LNX1: variants seen among roughly 807,000 people sequenced by gnomAD.
The protein encoded by LNX1 is ligand of numb-protein X 1.
A neutral mutation model predicts 68.4 loss-of-function variants in LNX1; 54 were observed. The observed-to-expected ratio is 0.79, with a 90% confidence interval of 0.63 to 0.99. The LOEUF is 0.99. Among genes scored for constraint, LNX1 ranks in the 50% least tolerant of loss-of-function variants. LNX1 has a pLI of 0.00. For missense variants in LNX1, 906 were observed against 926.4 expected (o/e 0.98, Z 0.29); for synonymous variants, 336 against 350.0 (o/e 0.96, Z 0.45).
chr4:53,568,596 G>GGGCACAAGACAGGGA (rs1730892329), intron 2 of LNX1, among the ~76,000 whole-genome samples: 1 of 150,014 alleles, frequency 6.7e-6, no homozygotes, highest in African/African-American at 2.5e-5. Flanking sequence ...CAAGACAGGG[G>GGGCACAAGACAGGGA]GGCACAAGAC....
intron 6 of LNX1, among the ~76,000 whole-genome samples, chr4:53,484,506 C>T (rs1045639635): frequency 1.3e-5 from 2 of 151,402 alleles, no homozygotes; most frequent in Admixed American, 6.6e-5. Context: ...GAGGTTGCAG[C>T]GAACCGAGAT....
chr4:53,460,826 A>AAG lies in LNX1; in HGVS notation c.*80_*81insCT. ...ACAATGTATTCTTTCTTTAAATATA[A>AAG]AAACTGACAAGATAAATATAGTGTT... On this transcript the variant is annotated 3_prime_UTR_variant, in exon 11 of 11. Transcript: ENST00000263925. 7.6e-7 allele frequency: 1 copy of AAG among 1,312,686 alleles called. No homozygotes were observed. 81.3% of individuals were successfully genotyped at this position (1,312,686 alleles called of 1,614,324 possible).
At chr4:53,466,340 G>A (rs532309166) in intron 9 of LNX1, among the ~76,000 whole-genome samples, 28 of 152,216 alleles carry the variant, frequency 1.8e-4, no homozygotes, top group Middle Eastern at 3.4e-3. Flanking sequence ...TTAAATGATC[G>A]TAAAAAATAT....
At chr4:53,522,037 C>T (rs1727264873) in intron 2 of LNX1, among the ~76,000 whole-genome samples, 1 of 152,104 alleles carries the variant, frequency 6.6e-6, no homozygotes, top group African/African-American at 2.4e-5. Flanking sequence ...ACAAGCAATC[C>T]TTCCATCTCG....
intron 1 of LNX1, among the ~76,000 whole-genome samples, chr4:53,623,882 G>A (rs1733976730): frequency 1.3e-5 from 2 of 152,154 alleles, no homozygotes; most frequent in Admixed American, 6.6e-5. Flanking sequence ...TTAAACCCAG[G>A]TCTGTCTGCA....
At chr4:53,608,790 T>C (rs1312013696) in intron 2 of LNX1, among the ~76,000 whole-genome samples, 1 of 152,062 alleles carries the variant, frequency 6.6e-6, no homozygotes, top group Non-Finnish European at 1.5e-5. Flanking sequence ...ATAAAAAGAA[T>C]GAGATCATGT....
intron 2 of LNX1, among the ~76,000 whole-genome samples, chr4:53,509,928 G>T (rs1726203124): frequency 6.6e-6 from 1 of 152,102 alleles, no homozygotes; most frequent in Non-Finnish European, 1.5e-5. Flanking sequence ...GAGTTTAATT[G>T]CCATTTGAAT....
At chr4:53,544,939 CTCGACCAGCACG>C (rs1307116898) in intron 2 of LNX1, among the ~76,000 whole-genome samples, 2 of 152,192 alleles carry the variant, frequency 1.3e-5, no homozygotes, top group Non-Finnish European at 2.9e-5. Flanking sequence ...TCATAATGCA[CTCGACCAGCACG>C]TCCCCAGTGA....
At chr4:53,595,610 C>T (rs1224729825), upstream of LNX1, among the ~76,000 whole-genome samples, 3 of 152,150 alleles carry the variant, frequency 2.0e-5, no homozygotes, top group Non-Finnish European at 4.4e-5. Context: ...AGGTGGAAAA[C>T]ATTAGAAAGC....
Position 53,461,022 on chromosome 4 carries a change from G to A in LNX1, c.2072C>T (p.Ala691Val). The stretch of plus-strand genomic sequence containing the variant: ...TCCTGATGTACTTCTACCATTGACA[G>A]CAAGAAGAATATCACCACATCTAAA... ...GRIRCGDILL[A>V]VNGRSTSGMI... Residue 691 changes from alanine to valine, a missense_variant, in exon 11 of 11, where the codon GCT becomes GTT. Ala to Val is a moderately conservative substitution (Grantham distance 64). Transcript: ENST00000263925. 1.9e-6 allele frequency: 3 copies of A among 1,577,692 alleles called. No individual in the cohort carries two copies. Among genetic ancestry groups the A allele is most frequent in the East Asian group, 2.3e-5 (1 of 44,118 alleles).
intron 9 of LNX1, among the ~76,000 whole-genome samples, chr4:53,476,303 A>C (rs1200699277): frequency 6.6e-6 from 1 of 152,150 alleles, no homozygotes; most frequent in East Asian, 1.9e-4. Flanking sequence ...ATATAAAAAT[A>C]AAATAAAATA....
chr4:53,561,347 C>T (rs1717780350), intron 2 of LNX1, among the ~76,000 whole-genome samples: 1 of 152,112 alleles, frequency 6.6e-6, no homozygotes, highest in Non-Finnish European at 1.5e-5. Flanking sequence ...CCTGCCTCAG[C>T]CTCCCGAGTA....
At chr4:53,463,867 A>T (rs1179883804) in intron 9 of LNX1, among the ~76,000 whole-genome samples, 1 of 152,074 alleles carries the variant, frequency 6.6e-6, no homozygotes, top group South Asian at 2.1e-4. Flanking sequence ...TTTAGTCAAT[A>T]CATATTTGAG....
At chr4:53,611,183 A>G (rs914269898) in intron 2 of LNX1, among the ~76,000 whole-genome samples, 1 of 152,144 alleles carries the variant, frequency 6.6e-6, no homozygotes, top group African/African-American at 2.4e-5. Flanking sequence ...CAAAAATACC[A>G]TTAGCTTTTT....
At chr4:53,469,284 GA>G (rs1249927784) in intron 9 of LNX1, among the ~76,000 whole-genome samples, 1 of 152,162 alleles carries the variant, frequency 6.6e-6, no homozygotes, top group African/African-American at 2.4e-5. Context: ...GATGTTCTTT[GA>G]AACCAACGAG....
intron 2 of LNX1, among the ~76,000 whole-genome samples, chr4:53,565,909 T>C (rs1730647429): frequency 6.6e-6 from 1 of 151,830 alleles, no homozygotes; most frequent in African/African-American, 2.4e-5. Flanking sequence ...CAATGGAAGA[T>C]GAAATGAATG....
chr4:53,557,869 C>A, intron 2 of LNX1: 1 of 1,613,064 alleles, frequency 6.2e-7, no homozygotes, highest in East Asian at 2.2e-5. Context: ...AGAGAGGGGA[C>A]TCACAGTTCT....
chr4:53,501,361 G>A (rs1725493739), intron 4 of LNX1, among the ~76,000 whole-genome samples: 1 of 146,396 alleles, frequency 6.8e-6, no homozygotes, highest in South Asian at 2.1e-4. Context: ...TACAATCTTG[G>A]CTCAAAGCAG....
At chr4:53,468,277 CA>C (rs1420743514) in intron 9 of LNX1, among the ~76,000 whole-genome samples, 1 of 152,158 alleles carries the variant, frequency 6.6e-6, no homozygotes, top group Non-Finnish European at 1.5e-5. Context: ...AAATACTTTA[CA>C]GACAAGCAAA....
Sources: gnomAD v4.1 joint callset for allele counts (sites outside exome capture counted in the v4.1 genomes callset) on GRCh38, gnomAD v4.1.1 for gene constraint, MANE v1.5 for transcripts, NCBI Gene and HGNC (gene_info 2026-07-23, HGNC 2026-07-21) for gene names.